The following TRIML1 variants were observed in gnomAD, a reference collection of about 807,000 sequenced individuals.
TRIML1 encodes the protein tripartite motif family like 1.
Under a neutral mutation model 32.3 loss-of-function variants are expected in TRIML1, and 34 were observed. The ratio of observed to expected loss-of-function variants is 1.05; its 90% CI spans 0.80 to 1.40. The LOEUF (loss-of-function observed/expected upper bound fraction) is 1.40, where lower values mean the gene tolerates loss of function less well. Among genes scored for constraint, TRIML1 ranks in the 40% most tolerant of loss-of-function variants. TRIML1 has a pLI of 0.00. For missense variants in TRIML1, 595 were observed against 574.9 expected, an observed-to-expected ratio of 1.03 and a Z score of -0.36; for synonymous variants, 244 against 226.6, an observed-to-expected ratio of 1.08 and a Z score of -0.69.
At chr4:188,137,843 C>T (rs1734707674), upstream of TRIML1, among the ~76,000 whole-genome samples, 1 of 151,612 alleles carries the variant, frequency 6.6e-6, no homozygotes, top group Non-Finnish European at 1.5e-5. Context: ...AAACTCCTGA[C>T]CTCAAGTGAT....
At chr4:188,142,642 A>G (rs1253081827) in intron 3 of TRIML1, among the ~76,000 whole-genome samples, 160 bp downstream of exon 3, 8 of 150,854 alleles carry the variant, frequency 5.3e-5, no homozygotes. Context: ...ATAAAGCCTT[A>G]TAGAAGAGAG....
chr4:188,144,455 C>T (rs193268662), intron 5 of TRIML1, among the ~76,000 whole-genome samples: 4,317 of 148,028 alleles, frequency 0.029, 112 homozygotes, highest in East Asian at 0.11. Flanking sequence ...CTCCGCTTCC[C>T]GGGTTCACGC....
intron 5 of TRIML1, 80 bp downstream of exon 5, chr4:188,144,213 C>T (rs2111232952): frequency 4.1e-6 from 5 of 1,217,746 alleles, no homozygotes; most frequent in Non-Finnish European, 4.7e-6. Flanking sequence ...CAGACATTCA[C>T]GATCTGACAC....
chr4:188,147,465 G>A lies in TRIML1; in HGVS notation c.*93G>A, dbSNP rs1267952932. The A allele has an allele frequency of 3.7e-5, 44 of 1,194,384 alleles. No individual in the cohort carries two copies. The Admixed American group carries it at 1.4e-3, about 38-fold the overall frequency. 74.0% of individuals were successfully genotyped at this position (1,194,384 alleles called of 1,614,324 possible). On this transcript the variant is annotated 3_prime_UTR_variant, in exon 6 of 6. Transcript: ENST00000332517. The stretch of plus-strand genomic sequence containing the variant: ...GGCATCGACAGTATTAATGTCAGGT[G>A]ATCTGAAATAAACTCCCGTAACCCC...
intron 2 of TRIML1, 29 bp from the exon 3 acceptor site, chr4:188,142,222 GT>G: frequency 9.0e-7 from 1 of 1,107,736 alleles, no homozygotes; most frequent in Non-Finnish European, 1.3e-6. Flanking sequence ...GTGTGTGTGT[GT>G]GTGTGTGTGT....
downstream of TRIML1, among the ~76,000 whole-genome samples, chr4:188,150,585 C>T (rs1008237588): frequency 6.6e-6 from 1 of 152,086 alleles, no homozygotes; most frequent in African/African-American, 2.4e-5. Flanking sequence ...AAAAGTAATA[C>T]ATTTTACTTT....
chr4:188,145,652 A>G (rs147947156), intron 5 of TRIML1, among the ~76,000 whole-genome samples: 193 of 151,608 alleles, frequency 1.3e-3, no homozygotes, highest in Non-Finnish European at 2.3e-3. Context: ...ATGAAACCCC[A>G]TCTCTACTAA....
chr4:188,144,449 GCTT>G (rs1734984896), intron 5 of TRIML1, among the ~76,000 whole-genome samples: 1 of 146,014 alleles, frequency 6.8e-6, no homozygotes, highest in South Asian at 2.3e-4. Flanking sequence ...TGCAAGCTCC[GCTT>G]CCCGGGTTCA....
Position 188,142,308 on chromosome 4 carries a change from G to A in TRIML1, c.561G>A (p.Gln187=). The stretch of plus-strand genomic sequence containing the variant: ...TGTCAGAATACATGAAAATGCACCA[G>A]TTCCTGAAGGAAGAGGAGCAGCTGC... The part of the protein sequence containing the change: ...VVVSEYMKMH[Q]FLKEEEQLQL... Residue 187 remains glutamine, a synonymous_variant, in exon 3 of 6, where the codon CAG becomes CAA. Transcript: ENST00000332517. 2 of 1,612,844 alleles carry A rather than the reference G, an allele frequency of 1.2e-6. No individual in the cohort carries two copies. The highest frequency in any genetic ancestry group is 8.5e-7 in the Non-Finnish European group (1 of 1,179,852).
upstream of TRIML1, among the ~76,000 whole-genome samples, chr4:188,137,786 T>C (rs1313006446): frequency 6.6e-6 from 1 of 152,062 alleles, no homozygotes; most frequent in Non-Finnish European, 1.5e-5. Flanking sequence ...CTAATTTTCA[T>C]ATTTTTAGTA....
upstream of TRIML1, among the ~76,000 whole-genome samples, chr4:188,137,291 T>C (rs1252665129): frequency 2.1e-5 from 3 of 144,804 alleles, no homozygotes; most frequent in Non-Finnish European, 4.5e-5. Flanking sequence ...AGTGTTATTG[T>C]AGTCTTTTTT....
chr4:188,149,586 T>C (rs1328787498), downstream of TRIML1, among the ~76,000 whole-genome samples: 2 of 152,108 alleles, frequency 1.3e-5, no homozygotes, highest in African/African-American at 2.4e-5. Context: ...GTTTCAATCT[T>C]GTGTCCTCGA....
rs185382141 is a variant in TRIML1, at chr4:188,144,806, C to T, written c.856+673C>T. 1.5e-3 allele frequency among the ~76,000 whole-genome samples: 226 copies of T among 152,248 alleles called. 4 individuals carry two copies. The highest frequency in any genetic ancestry group is 1.3e-3 in the Non-Finnish European group (87 of 68,026). ...AAAGCTGACTTAAATTCTAAAATCC[C>T]AGTGAGGGTGCATTCAACGAACTGT... On this transcript the variant is annotated intron_variant, in intron 5 of 5. Transcript: ENST00000332517.
At chr4:188,150,160 C>A (rs1735213303), downstream of TRIML1, among the ~76,000 whole-genome samples, 1 of 151,338 alleles carries the variant, frequency 6.6e-6, no homozygotes, top group Non-Finnish European at 1.5e-5. Context: ...GAGTTTTGCT[C>A]TTTTACCCAG....
chr4:188,140,684 AT>A, intron 2 of TRIML1, 61 bp downstream of exon 2: 1 of 1,177,820 alleles, frequency 8.5e-7, no homozygotes, highest in Non-Finnish European at 1.2e-6. Context: ...CTAAAGGGAA[AT>A]TTAGTGAAAT....
Position 188,147,356 on chromosome 4 carries a change from T to G in TRIML1, c.1391T>G (p.Leu464Arg), listed in dbSNP as rs145227641. The G allele has an allele frequency of 3.5e-4, 523 of 1,503,296 alleles. No individual in the cohort carries two copies. The highest frequency in any genetic ancestry group is 7.7e-4 in the South Asian group (56 of 72,264). The allele number at this position is 1,503,296 out of a possible 1,614,324, so 93.1% of individuals were successfully genotyped here. The change falls in exon 6 of 6, where the codon CTG becomes CGG. Residue 464 changes from leucine (L) to arginine (R), a missense_variant. Transcript: ENST00000332517. ...ACAGACCCTCTCACCATCTGCTCAC[T>G]GAACAGCCACGTCTGAGGGGCGTGC... Reference protein sequence around the residue: ...TNTDPLTICSLNSHV With the variant: ...TNTDPLTICSRNSHV
intron 5 of TRIML1, among the ~76,000 whole-genome samples, chr4:188,145,852 T>C (rs1735058828): frequency 6.6e-6 from 1 of 152,012 alleles, no homozygotes; most frequent in Non-Finnish European, 1.5e-5. Context: ...GCCCCATATG[T>C]GACTGTCGGT....
In TRIML1 at chr4:188,142,247, G is replaced by C. The variant is rs1734888498; in HGVS notation, c.505-5G>C. Reference sequence around the variant, plus strand: ...GTGTGTGTGTGTGTGTGTGTGTTTTGGCAGGAAGAAACAAAGACTTGTAAA... The same window carrying C: ...GTGTGTGTGTGTGTGTGTGTGTTTTCGCAGGAAGAAACAAAGACTTGTAAA... On this transcript the variant is annotated splice_region_variant and splice_polypyrimidine_tract_variant and intron_variant, in intron 2 of 5. Transcript: ENST00000332517. The C allele has an allele frequency of 4.7e-6, 7 of 1,475,324 alleles. No individual in the cohort carries two copies. Among genetic ancestry groups the C allele is most frequent in the Non-Finnish European group, 6.5e-6 (7 of 1,079,882 alleles). The allele number at this position is 1,475,324 out of a possible 1,614,324, so 91.4% of individuals were successfully genotyped here.
intron 5 of TRIML1, among the ~76,000 whole-genome samples, chr4:188,144,911 C>A (rs1042944813): frequency 3.3e-5 from 5 of 152,128 alleles, no homozygotes; most frequent in East Asian, 1.9e-4. Flanking sequence ...ATCTTGTGGA[C>A]AATCTGACCT....
Sources: allele counts gnomAD v4.1 joint callset (sites outside exome capture counted in the v4.1 genomes callset), GRCh38; gene constraint gnomAD v4.1.1; transcripts MANE v1.5; gene names NCBI Gene and HGNC (gene_info 2026-07-23, HGNC 2026-07-21).